IHO1: variants seen among roughly 807,000 people sequenced by gnomAD.
IHO1 encodes interactor of HORMAD1 protein 1.
A neutral mutation model predicts 31.0 loss-of-function variants in IHO1; 13 were observed. The observed-to-expected ratio is 0.42, with a 90% CI of 0.27 to 0.67. The LOEUF is 0.67. Among genes scored for constraint, IHO1 ranks in the 30% least tolerant of loss-of-function variants. The pLI, the probability that IHO1 is intolerant of heterozygous loss-of-function variation, is 0.24. For missense variants in IHO1, 599 were observed against 687.5 expected, an observed-to-expected ratio of 0.87 and a Z score of 1.44; for synonymous variants, 221 against 248.4, an observed-to-expected ratio of 0.89 and a Z score of 1.04.
At chr3:49,244,805 C>A in intron 6 of IHO1, 72 bp downstream of exon 6, 1 of 1,367,806 alleles carries the variant, frequency 7.3e-7, no homozygotes, top group Non-Finnish European at 1.0e-6. Context: ...CTGACCCCAG[C>A]CTGGTTTCCA....
intron 1 of IHO1, among the ~76,000 whole-genome samples, chr3:49,201,183 C>A (rs1450014686): frequency 6.6e-6 from 1 of 151,954 alleles, no homozygotes; most frequent in Admixed American, 6.6e-5. Context: ...TTAGTAGAAA[C>A]GGGGTTTCAC....
intron 3 of IHO1, among the ~76,000 whole-genome samples, chr3:49,237,881 C>G (rs1258572472): frequency 2.5e-5 from 1 of 40,218 alleles, no homozygotes; most frequent in South Asian, 1.1e-3. Flanking sequence ...ATTAACCTGT[C>G]TTTTCCTTTT....
At chr3:49,213,370 A>G (rs1575568167) in intron 2 of IHO1, among the ~76,000 whole-genome samples, 1 of 152,170 alleles carries the variant, frequency 6.6e-6, no homozygotes, top group African/African-American at 2.4e-5. Flanking sequence ...TGCATTTACA[A>G]ACCTTGAGCT....
At position 49,206,562 on chromosome 3, in the gene IHO1, C is replaced by T. The variant is rs1444476098; in HGVS notation, c.-15-5204C>T. On this transcript the variant is annotated intron_variant, in intron 1 of 7. Coordinates refer to ENST00000452691, the MANE Select transcript of IHO1 (RefSeq NM_001135197.2). ...ACTTTAATTGCCATCTTGGATTTGG[C>T]GGGTTTTGAACAGCTACTTTCTTGC... is the stretch of plus-strand genomic sequence containing the variant. Among the ~76,000 whole-genome samples the T allele has an allele frequency of 2.0e-5, 3 of 152,236 alleles. No individual in the cohort carries two copies. In the East Asian group the frequency reaches 5.8e-4, roughly 29 times the overall value.
intron 6 of IHO1, among the ~76,000 whole-genome samples, chr3:49,249,959 C>T (rs2046740841): frequency 6.6e-6 from 1 of 151,996 alleles, no homozygotes; most frequent in African/African-American, 2.4e-5. Context: ...TACCAAGTTG[C>T]TAAAATAAAA....
chr3:49,207,864 C>T (rs764303936), intron 1 of IHO1, among the ~76,000 whole-genome samples: 20 of 151,486 alleles, frequency 1.3e-4, no homozygotes, highest in Middle Eastern at 3.4e-3. Context: ...AGCTCCGCTT[C>T]GTGGGTTCAT....
intron 4 of IHO1, 113 bp from the exon 5 acceptor site, chr3:49,244,291 A>C: frequency 1.4e-6 from 1 of 711,556 alleles, no homozygotes; most frequent in Non-Finnish European, 2.5e-6. Context: ...CTAATCAAGC[A>C]ATGTTTTGAT....
Position 49,257,223 on chromosome 3 carries a change from G to A in IHO1, c.1726G>A (p.Ala576Thr), listed in dbSNP as rs754894065. 1 of 1,614,176 alleles carries A rather than the reference G, an allele frequency of 6.2e-7. No homozygotes were observed. Among genetic ancestry groups the A allele is most frequent in the Non-Finnish European group, 8.5e-7 (1 of 1,180,022 alleles). Residue 576 changes from alanine to threonine, a missense_variant, in exon 8 of 8, where the codon GCA (alanine) becomes ACA (threonine). By Grantham distance (58) the Ala-to-Thr change is moderately conservative. Coordinates refer to ENST00000452691, the MANE Select transcript of IHO1 (RefSeq NM_001135197.2). Reference sequence around the variant, plus strand: ...TTCAGAGACCCCTCTATGCAAGGAGGCAGGAAAGAATTTGCTCTATGACCT... The same window carrying A: ...TTCAGAGACCCCTCTATGCAAGGAGACAGGAAAGAATTTGCTCTATGACCT... ...GCSETPLCKEAGKNLLYDLGF... is the reference protein window; with the variant it reads ...GCSETPLCKETGKNLLYDLGF...
the IHO1 span, chr3:49,191,739 T>C: frequency 6.3e-7 from 1 of 1,589,414 alleles, no homozygotes; most frequent in Non-Finnish European, 8.5e-7. Context: ...TAAAGTGCAC[T>C]CTTACCCAGG....
intron 2 of IHO1, among the ~76,000 whole-genome samples, chr3:49,231,576 A>G (rs1484144823): frequency 6.6e-6 from 1 of 152,222 alleles, no homozygotes; most frequent in Admixed American, 6.5e-5. Context: ...ATTCCACACA[A>G]TTAATTGAAA....
chr3:49,196,680 A>AT (rs36095141), upstream of IHO1, among the ~76,000 whole-genome samples: 14,660 of 126,326 alleles, frequency 0.12, 793 homozygotes, highest in Middle Eastern at 0.16. Flanking sequence ...TGATTGATTG[A>AT]TTTTTTTTGA....
At chr3:49,246,775 A>G (rs1013763642) in intron 6 of IHO1, among the ~76,000 whole-genome samples, 4 of 152,196 alleles carry the variant, frequency 2.6e-5, no homozygotes, top group African/African-American at 9.6e-5. Context: ...ATCAAGGCAG[A>G]GAAAGAACTA....
chr3:49,241,462 TAAATA>T, intron 4 of IHO1, 73 bp downstream of exon 4: 3 of 1,416,240 alleles, frequency 2.1e-6, no homozygotes, highest in Non-Finnish European at 2.9e-6. Context: ...TGTCAGTAAT[TAAATA>T]ATTCAATTTT....
chr3:49,193,161 A>G, the IHO1 span, among the ~76,000 whole-genome samples: 1 of 151,728 alleles, frequency 6.6e-6, no homozygotes, highest in Admixed American at 6.6e-5. Context: ...GTTTGAGCTC[A>G]GGAGTTTGAG....
In IHO1 at chr3:49,236,675, G is replaced by A. The variant is rs770163003; in HGVS notation, c.184G>A (p.Gly62Ser). 5.6e-6 allele frequency: 9 copies of A among 1,613,876 alleles called. No homozygotes were observed. The highest frequency in any genetic ancestry group is 2.7e-5 in the African/African-American group (2 of 74,860). ...SETLSAPLDF[G>S]AHLRHSKQSQ... ...AACCCTATCAGCACCCTTGGACTTTGGTGCCCACTTGAGACATTCAAAACA... is the reference window on the plus strand; with the variant it reads ...AACCCTATCAGCACCCTTGGACTTTAGTGCCCACTTGAGACATTCAAAACA... Residue 62 changes from glycine to serine, a missense_variant, in exon 3 of 8, where the codon GGT (glycine) becomes AGT (serine). Physicochemically the swap from Gly to Ser is moderately conservative, Grantham distance 56. Coordinates refer to ENST00000452691, the MANE Select transcript of IHO1 (RefSeq NM_001135197.2).
intron 1 of IHO1, among the ~76,000 whole-genome samples, chr3:49,202,864 T>A (rs571878177): frequency 7.0e-6 from 1 of 143,620 alleles, no homozygotes; most frequent in African/African-American, 2.6e-5. Flanking sequence ...TTTTTTTTTT[T>A]TTTTTTTTTG....
intron 1 of IHO1, chr3:49,200,710 A>G (rs930706461): frequency 3.3e-6 from 1 of 301,278 alleles, no homozygotes; most frequent in Non-Finnish European, 4.9e-6. Flanking sequence ...CTTTAATAGG[A>G]AAGAGAGTGA....
chr3:49,209,195 C>A (rs1297557491), intron 1 of IHO1, among the ~76,000 whole-genome samples: 1 of 152,172 alleles, frequency 6.6e-6, no homozygotes, highest in African/African-American at 2.4e-5. Context: ...TTGCTGGTTT[C>A]ATTCTCAACA....
intron 2 of IHO1, among the ~76,000 whole-genome samples, chr3:49,218,841 G>A (rs2046319116): frequency 6.6e-6 from 1 of 151,992 alleles, no homozygotes; most frequent in South Asian, 2.1e-4. Context: ...GCACATCCGT[G>A]TACCTTACAA....
Sources: gnomAD v4.1 joint callset for allele counts (sites outside exome capture counted in the v4.1 genomes callset) on GRCh38, gnomAD v4.1.1 for gene constraint, MANE v1.5 for transcripts, NCBI Gene and HGNC (gene_info 2026-07-23, HGNC 2026-07-21) for gene names.